The following NTN3 variants were observed in gnomAD, a reference collection of about 807,000 sequenced individuals.
NTN3 encodes netrin-3.
NTN3 carries 44 observed loss-of-function variants against 37.2 expected under a neutral mutation model. The observed-to-expected ratio is 1.18, with a 90% CI of 0.93 to 1.52. The LOEUF (loss-of-function observed/expected upper bound fraction) is 1.52, where lower values mean the gene tolerates loss of function less well. NTN3 is among the 40% of genes most tolerant of loss of function. The pLI is 0.00. For missense variants in NTN3, 882 were observed against 857.3 expected (o/e 1.03, Z -0.36); for synonymous variants, 385 against 376.0 (o/e 1.02, Z -0.28).
At position 2,472,779 on chromosome 16, in the gene NTN3, G is replaced by A. The variant is rs761166093; in HGVS notation, c.1007G>A (p.Gly336Asp). ...LYRLSGRRSGGVCLNCRHNTA... is the reference protein window; with the variant it reads ...LYRLSGRRSGDVCLNCRHNTA... ...CGACTGTCCGGCCGCCGCAGCGGGG[G>A]TGTCTGTCTCAACTGCCGGCACAAC... Residue 336 changes from glycine (G) to aspartate (D), a missense_variant, in exon 2 of 6, where the codon GGT becomes GAT. Transcript: ENST00000293973. 2 of 1,608,522 alleles carry A rather than the reference G, an allele frequency of 1.2e-6. No individual in the cohort carries two copies. Among genetic ancestry groups the A allele is most frequent in the South Asian group, 2.2e-5 (2 of 91,062 alleles).
Position 2,473,481 on chromosome 16 carries a change from G to A in NTN3, c.1371G>A (p.Lys457=). The A allele has an allele frequency of 6.2e-7, 1 of 1,613,080 alleles. No homozygotes were observed. The highest frequency in any genetic ancestry group is 2.2e-5 in the East Asian group (1 of 44,878). Residue 457 remains lysine, a synonymous_variant, in exon 5 of 6, where the codon AAG becomes AAA. Coordinates refer to ENST00000293973, the MANE Select transcript of NTN3 (RefSeq NM_006181.3). ...GTGGCAGCTACCGCATCAGCCTAAA[G>A]AAGTTCTGCAAGAAGGACTATGGTA... is the stretch of plus-strand genomic sequence containing the variant. ...PARGSYRISL[K]KFCKKDYAVQ...
In NTN3 at chr16:2,473,811, C is replaced by A; in HGVS notation, c.1449C>A (p.Phe483Leu). ...RGEARGAWTR[F>L]PVAVLAVFRS... ...AGGCGCGCGGCGCGTGGACACGCTT[C>A]CCGGTGGCGGTGCTCGCCGTGTTCC... Residue 483 changes from phenylalanine to leucine, a missense_variant, in exon 6 of 6, where the codon TTC (phenylalanine) becomes TTA (leucine). Phe to Leu is a conservative substitution (Grantham distance 22, BLOSUM62 0). Transcript: ENST00000293973. 1 of 1,392,322 alleles carries A rather than the reference C, an allele frequency of 7.2e-7. No individual in the cohort carries two copies. The highest frequency in any genetic ancestry group is 9.2e-7 in the Non-Finnish European group (1 of 1,083,572). The allele number at this position is 1,392,322 out of a possible 1,614,324, so 86.2% of individuals were successfully genotyped here.
In NTN3 at chr16:2,472,198, A is replaced by G. The variant is rs1188340182; in HGVS notation, c.497A>G (p.Asn166Ser). 3 of 1,608,766 alleles carry G rather than the reference A, an allele frequency of 1.9e-6. No homozygotes were observed. Among genetic ancestry groups the G allele is most frequent in the African/African-American group, 1.3e-5 (1 of 74,798 alleles). Residue 166 changes from asparagine to serine, a missense_variant, in exon 1 of 6, where the codon AAT becomes AGT. Coordinates refer to ENST00000293973, the MANE Select transcript of NTN3 (RefSeq NM_006181.3). Reference sequence around the variant, plus strand: ...TATGGCCGTCTGCCTGCCCCTGCCAATGGCCCAGCTGGCCCAGGGCCTGAG... The same window carrying G: ...TATGGCCGTCTGCCTGCCCCTGCCAGTGGCCCAGCTGGCCCAGGGCCTGAG... The part of the protein sequence containing the change: ...LDYGRLPAPA[N>S]GPAGPGPEAL...
rs1359307608 is a variant in NTN3, at chr16:2,472,083, C to A, written c.382C>A (p.Pro128Thr). ...VFVSLRFCSA[P>T]PASVALLKSQ... Reference sequence around the variant, plus strand: ...CGTGAGCCTGCGCTTCTGCTCAGCTCCCCCAGCCTCCGTGGCCCTGCTCAA... The same window carrying A: ...CGTGAGCCTGCGCTTCTGCTCAGCTACCCCAGCCTCCGTGGCCCTGCTCAA... Residue 128 changes from proline to threonine, a missense_variant, in exon 1 of 6, where the codon CCC (proline) becomes ACC (threonine). Pro to Thr is a conservative substitution (Grantham distance 38, BLOSUM62 -1). Coordinates refer to ENST00000293973, the MANE Select transcript of NTN3 (RefSeq NM_006181.3). The A allele has an allele frequency of 4.4e-6, 7 of 1,605,910 alleles. No individual in the cohort carries two copies. The highest frequency in any genetic ancestry group is 5.9e-6 in the Non-Finnish European group (7 of 1,177,076).
Position 2,473,810 on chromosome 16 carries a change from TC to T in NTN3, c.1451del (p.Pro484ArgfsTer?). 1 of 1,389,928 alleles carries T rather than the reference TC, an allele frequency of 7.2e-7. No homozygotes were observed. Among genetic ancestry groups the T allele is most frequent in the Non-Finnish European group, 9.2e-7 (1 of 1,082,232 alleles). The allele number at this position is 1,389,928 out of a possible 1,614,324, so 86.1% of individuals were successfully genotyped here. On this transcript the variant is annotated frameshift_variant, in exon 6 of 6. Transcript: ENST00000293973. LOFTEE classifies it low-confidence loss of function (END_TRUNC). ...RGEARGAWTRFPVAVLAVFRS... is the reference protein window; with the variant it reads ...RGEARGAWTRXPVAVLAVFRS... ...GAGGCGCGCGGCGCGTGGACACGCT[TC>T]CCGGTGGCGGTGCTCGCCGTGTTCC...
At position 2,472,806 on chromosome 16, in the gene NTN3, C is replaced by T. The variant is rs1166533506; in HGVS notation, c.1034C>T (p.Thr345Ile). 6.2e-7 allele frequency: 1 copy of T among 1,604,344 alleles called. No homozygotes were observed. Among genetic ancestry groups the T allele is most frequent in the Non-Finnish European group, 8.5e-7 (1 of 1,178,186 alleles). ...GGVCLNCRHN[T>I]AGRHCHYCRE... The stretch of plus-strand genomic sequence containing the variant: ...GTCTGTCTCAACTGCCGGCACAACA[C>T]CGCCGGCCGCCACTGCCACTACTGC... The change falls in exon 2 of 6, where the codon ACC becomes ATC. Residue 345 changes from threonine to isoleucine, a missense_variant. Physicochemically the swap from Thr to Ile is moderately conservative, Grantham distance 89. Coordinates refer to ENST00000293973, the MANE Select transcript of NTN3 (RefSeq NM_006181.3).
rs2065528035 is a variant in NTN3 at position 2,472,538 on chromosome 16, C to T, written c.837C>T (p.Gly279=). 1 of 1,606,068 alleles carries T rather than the reference C, an allele frequency of 6.2e-7. No individual in the cohort carries two copies. Among genetic ancestry groups the T allele is most frequent in the South Asian group, 1.1e-5 (1 of 90,980 alleles). Reference sequence around the variant, plus strand: ...ACCTGATCTGCGACTGTCGGCATGGCACCGAGGGCCCTGACTGCGGCCGCT... The same window carrying T: ...ACCTGATCTGCGACTGTCGGCATGGTACCGAGGGCCCTGACTGCGGCCGCT... ...QGHLICDCRH[G]TEGPDCGRCK... is the part of the protein sequence containing the mutation. Residue 279 remains glycine (G), a synonymous_variant, in exon 1 of 6, where the codon GGC becomes GGT. Coordinates refer to ENST00000293973, the MANE Select transcript of NTN3 (RefSeq NM_006181.3).
In NTN3 at chr16:2,472,864, CCT is replaced by C. The variant is rs2141845313; in HGVS notation, c.1093_1094del (p.Leu365GlufsTer2). The C allele has an allele frequency of 1.9e-6, 3 of 1,601,144 alleles. No individual in the cohort carries two copies. Among genetic ancestry groups the C allele is most frequent in the Non-Finnish European group, 1.7e-6 (2 of 1,175,160 alleles). ...GCTTCTATCGAGACCCTGGCCGTGC[CCT>C]GAGTGACCGTCGGGCTTGCAGGGGT... ...EGFYRDPGRA[L>X]SDRRACRACD... On this transcript the variant is annotated frameshift_variant, in exon 2 of 6. Coordinates refer to ENST00000293973, the MANE Select transcript of NTN3 (RefSeq NM_006181.3). LOFTEE classifies it high-confidence loss of function.
intron 3 of NTN3, 42 bp downstream of exon 3, chr16:2,473,176 C>T: frequency 6.3e-7 from 1 of 1,594,794 alleles, no homozygotes; most frequent in Non-Finnish European, 8.6e-7. Context: ...GCCAAGGCCA[C>T]CCCAGCTCCC....
rs1222575628 is a variant in NTN3 at position 2,473,047 on chromosome 16, C to T, written c.1180C>T (p.Pro394Ser). Residue 394 changes from proline to serine, a missense_variant, in exon 3 of 6, where the codon CCC (proline) becomes TCC (serine). Pro to Ser is a moderately conservative substitution (Grantham distance 74). Transcript: ENST00000293973. ...KTCNQTTGQC[P>S]CKDGVTGLTC... The stretch of plus-strand genomic sequence containing the variant: ...CTGCAACCAGACCACAGGCCAGTGT[C>T]CCTGCAAGGATGGCGTCACTGGCCT... 1.2e-6 allele frequency: 2 copies of T among 1,611,552 alleles called. No individual in the cohort carries two copies. Among genetic ancestry groups the T allele is most frequent in the Admixed American group, 1.7e-5 (1 of 60,004 alleles).
Position 2,473,439 on chromosome 16 carries a change from G to A in NTN3, c.1329G>A (p.Ser443=), listed in dbSNP as rs1229299934. 8.1e-6 allele frequency: 13 copies of A among 1,612,886 alleles called. No individual in the cohort carries two copies. The highest frequency in any genetic ancestry group is 1.1e-5 in the South Asian group (1 of 91,094). ...CCACCTTCTACCCAGACTGTGACTC[G>A]CACTGCAAACCTGCCCGTGGCAGCT... ...SSPVQPQDCD[S]HCKPARGSYR... is the part of the protein sequence containing the mutation. The change falls in exon 5 of 6, where the codon TCG becomes TCA. Residue 443 remains serine (S), a synonymous_variant. Transcript: ENST00000293973.
chr16:2,471,424 A>C lies in NTN3; in HGVS notation c.-278A>C. On this transcript the variant is annotated 5_prime_UTR_variant, in exon 1 of 6. Transcript: ENST00000293973. ...GCCCGGCCCTCGGTGGGTGAGTGCG[A>C]GCGGCGGGTGGGGCCTCCGCGGGCG... The C allele has an allele frequency of 3.4e-6, 1 of 291,102 alleles. No homozygotes were observed. 18.0% of individuals were successfully genotyped at this position (291,102 alleles called of 1,614,324 possible). A position where few individuals can be genotyped will look rare whatever the true frequency, so the allele number is the denominator to read the frequency against.
chr16:2,471,623 G>A lies in NTN3; in HGVS notation c.-79G>A. 2 of 1,121,032 alleles carry A rather than the reference G, an allele frequency of 1.8e-6. No homozygotes were observed. The highest frequency in any genetic ancestry group is 2.3e-6 in the Non-Finnish European group (2 of 864,712). The allele number at this position is 1,121,032 out of a possible 1,614,324, so 69.4% of individuals were successfully genotyped here. A position where few individuals can be genotyped will look rare whatever the true frequency, so the allele number is the denominator to read the frequency against. On this transcript the variant is annotated 5_prime_UTR_variant, in exon 1 of 6. Coordinates refer to ENST00000293973, the MANE Select transcript of NTN3 (RefSeq NM_006181.3). ...CTCGGCATTGCGGGCCTGGTGGGCAGAGCCGCGGAGAGGGCTTCTTTTCCC... is the reference window on the plus strand; with the variant it reads ...CTCGGCATTGCGGGCCTGGTGGGCAAAGCCGCGGAGAGGGCTTCTTTTCCC...
Position 2,471,999 on chromosome 16 carries a change from C to T in NTN3, c.298C>T (p.Arg100Trp), listed in dbSNP as rs199840794. 2.5e-4 allele frequency: 397 copies of T among 1,603,130 alleles called. 2 individuals are homozygous for T. The East Asian group carries it at 7.3e-3, about 30-fold the overall frequency. Residue 100 changes from arginine to tryptophan, a missense_variant, in exon 1 of 6, where the codon CGG (arginine) becomes TGG (tryptophan). Coordinates refer to ENST00000293973, the MANE Select transcript of NTN3 (RefSeq NM_006181.3). ...GTGCTGGCGCTCGGAGTCCCTGCCT[C>T]GGGCGCCCCTCAACGTGACTCTCAC... ...PLCWRSESLP[R>W]APLNVTLTVP...
Position 2,472,904 on chromosome 16 carries a change from G to A in NTN3, c.1117+15G>A, listed in dbSNP as rs1199152586. On this transcript the variant is annotated intron_variant, in intron 2 of 5. Transcript: ENST00000293973. ...GGCTTGCAGGGGTGAGCCACCACCG[G>A]CCACCTGCAGGCCCTCACCCTCTGA... is the stretch of plus-strand genomic sequence containing the variant. 1 of 1,583,776 alleles carries A rather than the reference G, an allele frequency of 6.3e-7. No individual in the cohort carries two copies. Among genetic ancestry groups the A allele is most frequent in the East Asian group, 2.3e-5 (1 of 44,414 alleles).
Position 2,473,972 on chromosome 16 carries a change from G to C in NTN3, c.1610G>C (p.Gly537Ala). The C allele has an allele frequency of 8.6e-7, 1 of 1,163,528 alleles. No homozygotes were observed. Among genetic ancestry groups the C allele is most frequent in the Non-Finnish European group, 1.1e-6 (1 of 944,606 alleles). The allele number at this position is 1,163,528 out of a possible 1,614,324, so 72.1% of individuals were successfully genotyped here. A position where few individuals can be genotyped will look rare whatever the true frequency, so the allele number is the denominator to read the frequency against. The change falls in exon 6 of 6, where the codon GGG becomes GCG. Residue 537 changes from glycine (G) to alanine (A), a missense_variant. Coordinates refer to ENST00000293973, the MANE Select transcript of NTN3 (RefSeq NM_006181.3). ...GGGGGCGGGCCTGGAGCCGCGGCTG[G>C]GGGCGCGGGGGGCCGGGGGCCCGGG... ...LLGGGPGAAA[G>A]GAGGRGPGLI...
At chr16:2,473,163 C>CA in intron 3 of NTN3, 29 bp downstream of exon 3, 1 of 1,592,996 alleles carries the variant, frequency 6.3e-7, no homozygotes, top group South Asian at 1.1e-5. Flanking sequence ...CCTCAGCCAC[C>CA]AAGCCAAGGC....
Position 2,471,814 on chromosome 16 carries a change from G to A in NTN3, c.113G>A (p.Arg38His), listed in dbSNP as rs1880744151. 1.4e-6 allele frequency: 2 copies of A among 1,393,470 alleles called. No individual in the cohort carries two copies. The highest frequency in any genetic ancestry group is 1.8e-6 in the Non-Finnish European group (2 of 1,083,090). 86.3% of individuals were successfully genotyped at this position (1,393,470 alleles called of 1,614,324 possible). Residue 38 changes from arginine to histidine, a missense_variant, in exon 1 of 6, where the codon CGC (arginine) becomes CAC (histidine). Physicochemically the swap from Arg to His is conservative, Grantham distance 29 (BLOSUM62 0). Coordinates refer to ENST00000293973, the MANE Select transcript of NTN3 (RefSeq NM_006181.3). ...TGCCACGATGAGGGGGGTGCGCCCCGCGGCTGCGTGCCAGGACTGGTGAAC... is the reference window on the plus strand; with the variant it reads ...TGCCACGATGAGGGGGGTGCGCCCCACGGCTGCGTGCCAGGACTGGTGAAC... ...DPCHDEGGAP[R>H]GCVPGLVNAA...
In NTN3 at chr16:2,471,640, T is replaced by G. The variant is rs945264685; in HGVS notation, c.-62T>G. 1.8e-5 allele frequency: 22 copies of G among 1,208,604 alleles called. No individual in the cohort carries two copies. Among genetic ancestry groups the G allele is most frequent in the Non-Finnish European group, 2.3e-5 (22 of 944,302 alleles). The allele number at this position is 1,208,604 out of a possible 1,614,324, so 74.9% of individuals were successfully genotyped here. ...GGTGGGCAGAGCCGCGGAGAGGGCTTCTTTTCCCCAAGGGCAGCGTCTTGG... is the reference window on the plus strand; with the variant it reads ...GGTGGGCAGAGCCGCGGAGAGGGCTGCTTTTCCCCAAGGGCAGCGTCTTGG... On this transcript the variant is annotated 5_prime_UTR_variant, in exon 1 of 6. Coordinates refer to ENST00000293973, the MANE Select transcript of NTN3 (RefSeq NM_006181.3).
Sources: gnomAD v4.1 joint callset for allele counts on GRCh38, gnomAD v4.1.1 for gene constraint, MANE v1.5 for transcripts, NCBI Gene and HGNC (gene_info 2026-07-23, HGNC 2026-07-21) for gene names.